The following HTR7 variants were observed in gnomAD, a reference collection of about 807,000 sequenced individuals.
HTR7 encodes 5-hydroxytryptamine receptor 7.
HTR7 carries 16 observed loss-of-function variants against 34.0 expected under a neutral mutation model. The observed-to-expected ratio is 0.47, with a 90% confidence interval of 0.32 to 0.71. The LOEUF (loss-of-function observed/expected upper bound fraction) is 0.71. HTR7 is among the 30% of genes least tolerant of loss of function. HTR7 has a pLI of 0.04. For missense variants in HTR7, 504 were observed against 625.5 expected (o/e 0.81, Z 2.07); for synonymous variants, 265 against 260.2 (o/e 1.02, Z -0.18).
chr10:90,776,958 T>C (rs1845223951), intron 1 of HTR7, among the ~76,000 whole-genome samples: 3 of 152,328 alleles, frequency 2.0e-5, no homozygotes, highest in African/African-American at 7.2e-5. Context: ...CATTATGGCA[T>C]GGCAAATGAG....
chr10:90,827,696 A>G (rs780632120), intron 1 of HTR7, among the ~76,000 whole-genome samples: 18 of 152,216 alleles, frequency 1.2e-4, no homozygotes, highest in Non-Finnish European at 1.8e-4. Flanking sequence ...TTGTAAATAC[A>G]TATCTACCCA....
At chr10:90,848,822 A>T (rs1846451228) in intron 1 of HTR7, among the ~76,000 whole-genome samples, 1 of 152,246 alleles carries the variant, frequency 6.6e-6, no homozygotes. Flanking sequence ...TCTAAGTAAG[A>T]TCCCAAGACC....
chr10:90,851,389 G>A (rs1846496445), intron 1 of HTR7, among the ~76,000 whole-genome samples: 1 of 151,864 alleles, frequency 6.6e-6, no homozygotes, highest in South Asian at 2.1e-4. Flanking sequence ...GGCGGATCAT[G>A]AGGTCAGGAG....
chr10:90,807,266 T>A (rs1419532065), intron 1 of HTR7, among the ~76,000 whole-genome samples: 2 of 152,152 alleles, frequency 1.3e-5, no homozygotes, highest in Non-Finnish European at 1.5e-5. Context: ...ATTATTGGGC[T>A]GGGCACGGTG....
intron 1 of HTR7, among the ~76,000 whole-genome samples, chr10:90,753,448 G>A (rs1439791912): frequency 6.6e-6 from 1 of 152,066 alleles, no homozygotes; most frequent in African/African-American, 2.4e-5. Context: ...CATTAATAAA[G>A]AGATGCACAT....
chr10:90,857,827 C>A lies in HTR7; in HGVS notation c.-156G>T. The A allele has an allele frequency of 3.0e-6, 2 of 657,618 alleles. No homozygotes were observed. The highest frequency in any genetic ancestry group is 4.3e-6 in the Non-Finnish European group (2 of 464,798). 40.7% of individuals were successfully genotyped at this position (657,618 alleles called of 1,614,324 possible). On this transcript the variant is annotated 5_prime_UTR_variant, in exon 1 of 4. Transcript: ENST00000336152. The surrounding 1 kb of genome is among the most constrained non-coding windows in gnomAD (Gnocchi z 6.5). ...GGGCGCCTGGCTCTGTCTCGGAGCC[C>A]CGCACTCCCCGGACCCCCGGCCGCT...
At chr10:90,849,508 A>G (rs1472442760) in intron 1 of HTR7, among the ~76,000 whole-genome samples, 2 of 152,236 alleles carry the variant, frequency 1.3e-5, no homozygotes, top group Non-Finnish European at 2.9e-5. Flanking sequence ...AATCTGGTAC[A>G]ATAGAGAAAC....
At chr10:90,833,710 A>G (rs867189298) in intron 1 of HTR7, among the ~76,000 whole-genome samples, 41 of 152,294 alleles carry the variant, frequency 2.7e-4, no homozygotes, top group African/African-American at 8.4e-4. Flanking sequence ...TGCCAGTAAT[A>G]ATCATGGATT....
At chr10:90,807,342 ACACACC>A (rs1845720182) in intron 1 of HTR7, among the ~76,000 whole-genome samples, 1 of 152,228 alleles carries the variant, frequency 6.6e-6, no homozygotes, top group South Asian at 2.1e-4. Context: ...ACTTGCACGT[ACACACC>A]CAGATGGCCT....
chr10:90,796,262 G>C (rs989010698), intron 1 of HTR7, among the ~76,000 whole-genome samples: 1 of 152,170 alleles, frequency 6.6e-6, no homozygotes, highest in Non-Finnish European at 1.5e-5. Context: ...ATAGATGCAA[G>C]ATACTGTCAC....
intron 1 of HTR7, among the ~76,000 whole-genome samples, chr10:90,805,096 T>C (rs1343173581): frequency 6.6e-6 from 1 of 152,184 alleles, no homozygotes; most frequent in Non-Finnish European, 1.5e-5. Context: ...CTTTGTACTA[T>C]GAAAGGTCTT....
At chr10:90,824,277 G>A (rs546545981) in intron 1 of HTR7, among the ~76,000 whole-genome samples, 1 of 152,340 alleles carries the variant, frequency 6.6e-6, no homozygotes, top group Non-Finnish European at 1.5e-5. Flanking sequence ...TGGGTCAGAA[G>A]GGAAAACACT....
At chr10:90,825,730 G>C (rs1045699637) in intron 1 of HTR7, among the ~76,000 whole-genome samples, 5 of 152,160 alleles carry the variant, frequency 3.3e-5, no homozygotes, top group African/African-American at 1.2e-4. Flanking sequence ...ATGCATCAAA[G>C]TCTCTTAATA....
chr10:90,809,414 G>C (rs1845764597), intron 1 of HTR7, among the ~76,000 whole-genome samples: 1 of 152,082 alleles, frequency 6.6e-6, no homozygotes, highest in Non-Finnish European at 1.5e-5. Flanking sequence ...TACAGCCCTA[G>C]ACCCTAAAAC....
intron 1 of HTR7, among the ~76,000 whole-genome samples, chr10:90,794,228 C>T (rs1487871160): frequency 1.3e-5 from 2 of 152,206 alleles, no homozygotes; most frequent in Admixed American, 6.5e-5. Flanking sequence ...TCCACTTCCA[C>T]ATCTTGTCCC....
At chr10:90,743,936 G>C (rs1441966249) in intron 2 of HTR7, 1 of 652,478 alleles carries the variant, frequency 1.5e-6, no homozygotes, top group Non-Finnish European at 2.9e-6. Flanking sequence ...GAACTCCTGA[G>C]GTTCTGGTTA....
chr10:90,857,755 G>T lies in HTR7; in HGVS notation c.-84C>A. The T allele has an allele frequency of 7.6e-7, 1 of 1,310,152 alleles. No individual in the cohort carries two copies. Among genetic ancestry groups the T allele is most frequent in the Non-Finnish European group, 9.8e-7 (1 of 1,018,632 alleles). The allele number at this position is 1,310,152 out of a possible 1,614,324, so 81.2% of individuals were successfully genotyped here. A position where few individuals can be genotyped will look rare whatever the true frequency, so the allele number is the denominator to read the frequency against. On this transcript the variant is annotated 5_prime_UTR_variant, in exon 1 of 4. Coordinates refer to ENST00000336152, the MANE Select transcript of HTR7 (RefSeq NM_019859.4). This position sits in a 1 kb window ranked among gnomAD's most constrained non-coding sequence, Gnocchi z 6.5. ...CCGGCCCCGGGGCTTCACCTCACCG[G>T]TTCCGCTCCGCCCGGCCCAGCCATG...
chr10:90,783,960 A>C (rs896884339), intron 1 of HTR7, among the ~76,000 whole-genome samples: 1 of 152,212 alleles, frequency 6.6e-6, no homozygotes, highest in African/African-American at 2.4e-5. Context: ...CTATGACTTC[A>C]AGCAAAATTT....
At chr10:90,834,269 C>A (rs1280335332) in intron 1 of HTR7, among the ~76,000 whole-genome samples, 1 of 152,120 alleles carries the variant, frequency 6.6e-6, no homozygotes, top group African/African-American at 2.4e-5. Flanking sequence ...GTGCTCCTAC[C>A]CTTGGAGTAT....
Sources: allele counts gnomAD v4.1 joint callset (sites outside exome capture counted in the v4.1 genomes callset), GRCh38; gene constraint gnomAD v4.1.1; non-coding constraint Gnocchi (gnomAD v3.1); transcripts MANE v1.5; gene names NCBI Gene and HGNC (gene_info 2026-07-23, HGNC 2026-07-21).